Variants in TNKS observed in about 807,000 individuals in gnomAD.
The protein encoded by TNKS is poly [ADP-ribose] polymerase tankyrase-1.
TNKS carries 72 observed loss-of-function variants against 135.8 expected under a neutral mutation model. The observed-to-expected ratio is 0.53, with a 90% CI of 0.44 to 0.64. The LOEUF is 0.64. Among genes scored for constraint, TNKS ranks in the 30% least tolerant of loss-of-function variants. The pLI, the probability that TNKS is intolerant of heterozygous loss-of-function variation, is 0.00. For missense variants in TNKS, 1,769 were observed against 1,674.0 expected, an observed-to-expected ratio of 1.06 and a Z score of -0.99; for synonymous variants, 849 against 649.3, an observed-to-expected ratio of 1.31 and a Z score of -4.68.
At chr8:9,569,110 C>T (rs982040085) in intron 1 of TNKS, among the ~76,000 whole-genome samples, 3 of 152,124 alleles carry the variant, frequency 2.0e-5, no homozygotes, top group African/African-American at 7.2e-5. Context: ...AAGCTTATAG[C>T]AATAGTTGCA....
chr8:9,773,279 C>T (rs922484511), intron 26 of TNKS, among the ~76,000 whole-genome samples: 1 of 151,774 alleles, frequency 6.6e-6, no homozygotes, highest in Non-Finnish European at 1.5e-5. Context: ...TAAGCAAAAG[C>T]AGAATTGTTA....
At position 9,748,058 on chromosome 8, in the gene TNKS, A is replaced by G. The variant is rs774251764; in HGVS notation, c.2678A>G (p.Asn893Ser). The G allele has an allele frequency of 5.5e-5, 89 of 1,611,898 alleles. 1 individual carries two copies. Among genetic ancestry groups the G allele is most frequent in the South Asian group, 9.9e-5 (9 of 90,534 alleles). The part of the protein sequence containing the change: ...VDIAALLIKY[N>S]TCVNATDKWA... ...ATAGCGGCTTTATTGATAAAATACA[A>G]CACGTGTGTAAATGCAACAGATAAG... Residue 893 changes from asparagine to serine, a missense_variant, in exon 18 of 27, where the codon AAC (asparagine) becomes AGC (serine). By Grantham distance (46) the Asn-to-Ser change is conservative (BLOSUM62 1). This residue lies in a region of TNKS where 722 missense variants were observed against 688.9 expected (regional missense o/e 1.05). Coordinates refer to ENST00000310430, the MANE Select transcript of TNKS (RefSeq NM_003747.3).
intron 3 of TNKS, among the ~76,000 whole-genome samples, chr8:9,649,649 A>G (rs1328865828): frequency 6.7e-6 from 1 of 149,260 alleles, no homozygotes; most frequent in Non-Finnish European, 1.5e-5. Context: ...CCAAGTCCCC[A>G]AAGTCCATTA....
chr8:9,761,041 G>T (rs1366260095), intron 20 of TNKS, among the ~76,000 whole-genome samples: 3 of 152,178 alleles, frequency 2.0e-5, no homozygotes, highest in South Asian at 2.1e-4. Context: ...GCACTGAGAA[G>T]TTCTTCCTTA....
At chr8:9,680,652 T>C in intron 4 of TNKS, 73 bp from the exon 5 acceptor site, 2 of 1,051,830 alleles carry the variant, frequency 1.9e-6, no homozygotes, top group Non-Finnish European at 2.9e-6. Flanking sequence ...TACTCTCGTG[T>C]GAAAAAATTA....
chr8:9,660,538 C>A (rs958179058), intron 3 of TNKS, among the ~76,000 whole-genome samples: 1 of 152,104 alleles, frequency 6.6e-6, no homozygotes, highest in African/African-American at 2.4e-5. Context: ...AATTCAACAA[C>A]CTTCATGCTA....
intron 2 of TNKS, among the ~76,000 whole-genome samples, chr8:9,589,738 G>C (rs1798519567): frequency 6.6e-6 from 1 of 152,370 alleles, no homozygotes; most frequent in East Asian, 1.9e-4. Context: ...GTGAGGAAGA[G>C]AAGAAAGTAA....
At chr8:9,641,413 T>C (rs757365484) in intron 3 of TNKS, among the ~76,000 whole-genome samples, 3 of 144,370 alleles carry the variant, frequency 2.1e-5, no homozygotes, top group Non-Finnish European at 3.0e-5. Context: ...TAAAAATGAG[T>C]CTGATTTATT....
At chr8:9,764,269 A>G (rs1807306331) in intron 22 of TNKS, among the ~76,000 whole-genome samples, 3 of 151,976 alleles carry the variant, frequency 2.0e-5, no homozygotes, top group Non-Finnish European at 4.4e-5. Flanking sequence ...GGTCTGTGTA[A>G]ATATACTTAG....
chr8:9,769,037 T>A (rs942788242), intron 25 of TNKS, among the ~76,000 whole-genome samples: 3 of 152,242 alleles, frequency 2.0e-5, no homozygotes, highest in Non-Finnish European at 2.9e-5. Context: ...TTGTACTAAT[T>A]TGTAAAAATG....
At chr8:9,684,851 A>G (rs1217574247) in intron 5 of TNKS, among the ~76,000 whole-genome samples, 1 of 152,288 alleles carries the variant, frequency 6.6e-6, no homozygotes, top group East Asian at 1.9e-4. Context: ...TGGTAGAATG[A>G]TTAAGACATT....
At chr8:9,634,293 T>C (rs926290813) in intron 3 of TNKS, among the ~76,000 whole-genome samples, 2 of 151,894 alleles carry the variant, frequency 1.3e-5, no homozygotes, top group African/African-American at 4.8e-5. Flanking sequence ...AAATTGAAGA[T>C]GGGGGAAAAA....
At chr8:9,772,908 A>G (rs959861417) in intron 26 of TNKS, among the ~76,000 whole-genome samples, 2 of 144,130 alleles carry the variant, frequency 1.4e-5, no homozygotes, top group African/African-American at 5.2e-5. Flanking sequence ...GGGATAGGGA[A>G]GGGGCAAATG....
chr8:9,601,871 C>G (rs143722510), intron 2 of TNKS, among the ~76,000 whole-genome samples: 1 of 152,026 alleles, frequency 6.6e-6, no homozygotes, highest in East Asian at 1.9e-4. Context: ...GTTTAGAAAC[C>G]ACATAAATCT....
intron 1 of TNKS, among the ~76,000 whole-genome samples, chr8:9,569,064 C>T (rs191624022): frequency 1.3e-5 from 2 of 151,992 alleles, no homozygotes; most frequent in Non-Finnish European, 2.9e-5. Context: ...TGCCACTAAT[C>T]TCATCAGAAA....
At chr8:9,720,284 A>ATGAT in intron 11 of TNKS, 90 bp from the exon 12 acceptor site, 1 of 1,154,952 alleles carries the variant, frequency 8.7e-7, no homozygotes, top group Non-Finnish European at 1.2e-6. Flanking sequence ...TTGAAAGTTG[A>ATGAT]TTTTTTTTTC....
intron 7 of TNKS, among the ~76,000 whole-genome samples, 170 bp from the exon 8 acceptor site, chr8:9,706,641 T>C (rs1035449965): frequency 2.6e-5 from 4 of 152,276 alleles, no homozygotes; most frequent in Non-Finnish European, 5.9e-5. Flanking sequence ...CTTAAAATTT[T>C]TAAAACATTG....
Position 9,680,047 on chromosome 8 carries a change from C to T in TNKS, c.1031+60C>T, listed in dbSNP as rs370401580. On this transcript the variant is annotated intron_variant, in intron 4 of 26. Transcript: ENST00000310430. ...GCATTAAGGAAGAGAAGGAGGAGGGCAGGTGGAGGACTATAAAAAATATAA... is the reference window on the plus strand; with the variant it reads ...GCATTAAGGAAGAGAAGGAGGAGGGTAGGTGGAGGACTATAAAAAATATAA... The T allele has an allele frequency of 4.2e-4, 524 of 1,257,176 alleles. 1 individual carries two copies. The highest frequency in any genetic ancestry group is 2.8e-3 in the Middle Eastern group (15 of 5,354). The allele number at this position is 1,257,176 out of a possible 1,614,324, so 77.9% of individuals were successfully genotyped here.
At position 9,580,147 on chromosome 8, in the gene TNKS, GT is replaced by G. The variant is rs759724350; in HGVS notation, c.674-9del. On this transcript the variant is annotated splice_polypyrimidine_tract_variant and intron_variant, in intron 1 of 26. Coordinates refer to ENST00000310430, the MANE Select transcript of TNKS (RefSeq NM_003747.3). ...AAATATATATACAAGACATTTTTTCGTTTCTTTTTAGGTTTTGGAAGGAAGG... is the reference window on the plus strand; with the variant it reads ...AAATATATATACAAGACATTTTTTCGTTCTTTTTAGGTTTTGGAAGGAAGG... 1 of 1,602,788 alleles carries G rather than the reference GT, an allele frequency of 6.2e-7. No homozygotes were observed. Among genetic ancestry groups the G allele is most frequent in the South Asian group, 1.1e-5 (1 of 88,686 alleles).
Sources: allele counts gnomAD v4.1 joint callset (sites outside exome capture counted in the v4.1 genomes callset), GRCh38; gene constraint gnomAD v4.1.1; regional missense constraint gnomAD v4.1.1; transcripts MANE v1.5; gene names NCBI Gene and HGNC (gene_info 2026-07-23, HGNC 2026-07-21).